ATRX: variants seen among roughly 807,000 people sequenced by gnomAD.
ATRX encodes the protein chromatin remodeler ATRX.
A neutral mutation model predicts 172.6 loss-of-function variants in ATRX; 12 were observed. The ratio of observed to expected loss-of-function variants is 0.07; its 90% CI spans 0.04 to 0.11. ATRX has a LOEUF of 0.11. Among genes scored for constraint, ATRX ranks in the 10% least tolerant of loss-of-function variants. The probability of loss-of-function intolerance (pLI) is 1.00; values close to 1 mark genes in which losing one functional copy is unlikely to be tolerated. For missense variants in ATRX, 1,368 were observed against 1,767.4 expected, an observed-to-expected ratio of 0.77 and a Z score of 4.05; for synonymous variants, 674 against 594.7, an observed-to-expected ratio of 1.13 and a Z score of -1.94.
At chrX:77,588,813 C>G (rs1296390341) in intron 27 of ATRX, among the ~76,000 whole-genome samples, 2 of 110,877 alleles carry the variant, frequency 1.8e-5, no homozygotes, top group Non-Finnish European at 3.8e-5. Context: ...GGCAAAGGAC[C>G]TGAATAAACA....
At chrX:77,589,328 A>C (rs1237749620) in intron 27 of ATRX, among the ~76,000 whole-genome samples, 1 of 111,859 alleles carries the variant, frequency 8.9e-6, no homozygotes, top group African/African-American at 3.2e-5. Flanking sequence ...AAATGTTCAA[A>C]AACTGACTCT....
intron 7 of ATRX, 141 bp downstream of exon 7, chrX:77,688,677 G>C (rs782193468): frequency 4.0e-6 from 2 of 503,435 alleles, no homozygotes; most frequent in Non-Finnish European, 7.0e-6. Flanking sequence ...GGCTTTGTAC[G>C]TCTATTTTCC....
At chrX:77,737,190 C>T (rs1006934562) in intron 1 of ATRX, among the ~76,000 whole-genome samples, 1 of 110,210 alleles carries the variant, frequency 9.1e-6, no homozygotes, top group African/African-American at 3.3e-5. Context: ...TTTAGGAGGC[C>T]GCGGCGGGCG....
chrX:77,706,152 T>TC (rs2072808717), intron 2 of ATRX, among the ~76,000 whole-genome samples: 1 of 100,903 alleles, frequency 9.9e-6, no homozygotes, highest in Admixed American at 1.1e-4. Context: ...ACGCCTGGCT[T>TC]TTTTTTTTTT....
chrX:77,585,583 C>CAAAAAAAAA (rs781792876), intron 27 of ATRX, among the ~76,000 whole-genome samples: 113 of 8,553 alleles, frequency 0.013, 47 homozygotes, highest in Admixed American at 0.04. Flanking sequence ...CTCCCCCCAC[C>CAAAAAAAAA]AAAAAAAAAA....
intron 1 of ATRX, among the ~76,000 whole-genome samples, chrX:77,772,158 C>T (rs1016408781): frequency 2.8e-5 from 3 of 109,037 alleles, no homozygotes. Context: ...ATTAGCTGGG[C>T]ACGGTGGCAT....
intron 14 of ATRX, among the ~76,000 whole-genome samples, 171 bp from the exon 15 acceptor site, chrX:77,652,524 G>C (rs961671475): frequency 1.9e-5 from 2 of 108,013 alleles, no homozygotes; most frequent in Non-Finnish European, 1.9e-5. Flanking sequence ...CTCTTCGGCC[G>C]GGCACGGTGG....
intron 22 of ATRX, among the ~76,000 whole-genome samples, chrX:77,613,463 G>A (rs1024768319): frequency 2.7e-5 from 3 of 111,626 alleles, no homozygotes; most frequent in Non-Finnish European, 5.7e-5. Context: ...TGAGTTGTAG[G>A]AGTTCTTTAC....
rs782779868 is a variant in ATRX, at chrX:77,579,034, G to A, written c.6218-4676C>T. 2.3e-4 allele frequency among the ~76,000 whole-genome samples: 26 copies of A among 112,558 alleles called. No homozygotes were observed. In the East Asian group the frequency reaches 6.4e-3, roughly 28 times the overall value. ...TCTCTGCGGGCCTGTCCTGGTGGTGGCCACGAAGAGAGGCTCCTCTGCCTG... is the reference window on the plus strand; with the variant it reads ...TCTCTGCGGGCCTGTCCTGGTGGTGACCACGAAGAGAGGCTCCTCTGCCTG... On this transcript the variant is annotated intron_variant, in intron 27 of 34. Transcript: ENST00000373344.
chrX:77,511,084 C>T (rs1156447209), intron 34 of ATRX, among the ~76,000 whole-genome samples: 4 of 112,462 alleles, frequency 3.6e-5, no homozygotes, highest in Non-Finnish European at 7.5e-5. Context: ...TTCCAGACAG[C>T]TTAGCACAGA....
chrX:77,579,307 C>A (rs1446723029), intron 27 of ATRX, among the ~76,000 whole-genome samples: 1 of 112,041 alleles, frequency 8.9e-6, no homozygotes, highest in African/African-American at 3.2e-5. Flanking sequence ...TAGGCAGTAA[C>A]CAGGTAGTGG....
intron 25 of ATRX, chrX:77,596,931 G>C (rs935934185): frequency 9.0e-6 from 1 of 110,767 alleles, no homozygotes. Context: ...TTAGCCATAA[G>C]TTATGAGAAA....
chrX:77,606,363 C>T (rs1354772939), intron 22 of ATRX, among the ~76,000 whole-genome samples: 2 of 111,061 alleles, frequency 1.8e-5, no homozygotes, highest in Non-Finnish European at 3.8e-5. Flanking sequence ...CCAAACATTC[C>T]AAGAAGTACT....
rs782570761 is a variant in ATRX at position 77,633,726 on chromosome X, G to C, written c.4810-14C>G. The stretch of plus-strand genomic sequence containing the variant: ...AAAACTTACCACCTATAAGAAAACA[G>C]ATTGTCACCTTCGTTTAAATATCCA... On this transcript the variant is annotated splice_polypyrimidine_tract_variant and intron_variant, in intron 17 of 34. Transcript: ENST00000373344. 1 of 1,199,352 alleles carries C rather than the reference G, an allele frequency of 8.3e-7. No homozygotes were observed. The highest frequency in any genetic ancestry group is 1.1e-6 in the Non-Finnish European group (1 of 885,736).
chrX:77,687,152 CAAAAAA>C (rs146268162), intron 7 of ATRX, among the ~76,000 whole-genome samples: 4 of 39,370 alleles, frequency 1.0e-4, no homozygotes, highest in Non-Finnish European at 1.7e-4. Context: ...GACTCCGTCT[CAAAAAA>C]AAAAAAAAAA....
At position 77,677,225 on chromosome X, in the gene ATRX, T is replaced by TAA. The variant is rs782220378; in HGVS notation, c.3737-929_3737-928dup. 2.3e-3 allele frequency among the ~76,000 whole-genome samples: 260 copies of TAA among 111,781 alleles called. 1 individual carries two copies. The highest frequency in any genetic ancestry group is 4.2e-3 in the Non-Finnish European group (223 of 53,142). ...ACTGTAGGTTAATACTATGCATGCT[T>TAA]AAGTGTTTCAGGAGAAGTATGCTGA... On this transcript the variant is annotated intron_variant, in intron 9 of 34. Transcript: ENST00000373344.
chrX:77,563,662 G>T (rs782701675), intron 28 of ATRX, among the ~76,000 whole-genome samples: 52 of 109,272 alleles, frequency 4.8e-4, no homozygotes, highest in Non-Finnish European at 8.8e-4. Flanking sequence ...GTTTTCCAGA[G>T]AAACAGAACC....
intron 12 of ATRX, among the ~76,000 whole-genome samples, chrX:77,657,136 A>C (rs782345061): frequency 9.0e-6 from 1 of 111,177 alleles, no homozygotes; most frequent in South Asian, 3.8e-4. Context: ...CCCCTCTACA[A>C]TTGGTGGAGG....
rs2148629567 is a variant in ATRX at position 77,684,113 on chromosome X, T to C, written c.1143A>G (p.Ser381=). ...GTAATTTTGTAGCAGAACTGATTTC[T>C]GAATTATCTGTTGCCTGCTTTAAAA... The part of the protein sequence containing the change: ...VKFLKQATDN[S]EISSATKLRQ... Residue 381 remains serine, a synonymous_variant, in exon 9 of 35, where the codon TCA becomes TCG. Transcript: ENST00000373344. 8.3e-7 allele frequency: 1 copy of C among 1,207,785 alleles called. No homozygotes were observed.
Sources: gnomAD v4.1 joint callset for allele counts (sites outside exome capture counted in the v4.1 genomes callset) on GRCh38, gnomAD v4.1.1 for gene constraint, MANE v1.5 for transcripts, NCBI Gene and HGNC (gene_info 2026-07-23, HGNC 2026-07-21) for gene names.